TMEM135: variants seen among roughly 807,000 people sequenced by gnomAD.
TMEM135 encodes peroxisomal membrane protein 52.
A neutral mutation model predicts 60.3 loss-of-function variants in TMEM135; 30 were observed. The observed-to-expected ratio is 0.50, with a 90% CI of 0.37 to 0.68. The LOEUF is 0.68. TMEM135 is among the 30% of genes least tolerant of loss of function. The pLI is 0.00. For missense variants in TMEM135, 468 were observed against 548.8 expected (o/e 0.85, Z 1.47); for synonymous variants, 190 against 186.7 (o/e 1.02, Z -0.14).
At chr11:87,038,296 C>A in intron 1 of TMEM135, 110 bp downstream of exon 1, 1 of 1,123,106 alleles carries the variant, frequency 8.9e-7, no homozygotes, top group Non-Finnish European at 1.2e-6. Context: ...GTCGGGCTCT[C>A]TTTTGGAGGG....
intron 10 of TMEM135, 54 bp from the exon 11 acceptor site, chr11:87,313,363 GTTTTATGC>G (rs1349956048): frequency 1.1e-5 from 16 of 1,391,570 alleles, no homozygotes; most frequent in African/African-American, 1.1e-4. Context: ...AGTTGTTTTT[GTTTTATGC>G]TTTTATTTCT....
rs969098726 is a variant in TMEM135, at chr11:87,322,494, T to C, written c.*1161T>C. ...GTTCAGGACAGCTGTGATTGAAATA[T>C]GGTCGCTATTTACAGTTTTTCAGGG... is the stretch of plus-strand genomic sequence containing the variant. On this transcript the variant is annotated 3_prime_UTR_variant, in exon 15 of 15. Coordinates refer to ENST00000305494, the MANE Select transcript of TMEM135 (RefSeq NM_022918.4). 2.2e-6 allele frequency: 1 copy of C among 454,024 alleles called. No individual in the cohort carries two copies. The highest frequency in any genetic ancestry group is 4.4e-6 in the Non-Finnish European group (1 of 226,738). 28.1% of individuals were successfully genotyped at this position (454,024 alleles called of 1,614,324 possible).
chr11:87,102,259 C>T (rs547213815), intron 4 of TMEM135, among the ~76,000 whole-genome samples: 17 of 152,278 alleles, frequency 1.1e-4, no homozygotes, highest in Middle Eastern at 3.4e-3. Flanking sequence ...TTGGAGTTCC[C>T]ACTACCCCCT....
chr11:87,153,039 G>T (rs1938598233), intron 4 of TMEM135, among the ~76,000 whole-genome samples: 2 of 151,952 alleles, frequency 1.3e-5, no homozygotes, highest in African/African-American at 4.8e-5. Context: ...GATTTTATTT[G>T]ATGTATGTTT....
intron 4 of TMEM135, among the ~76,000 whole-genome samples, chr11:87,110,460 T>TA (rs111655148): frequency 1.5e-4 from 23 of 149,392 alleles, no homozygotes; most frequent in South Asian, 2.1e-4. Context: ...TCTTTGAATT[T>TA]AAAAAAAAAA....
intron 5 of TMEM135, among the ~76,000 whole-genome samples, chr11:87,224,076 G>C (rs1001803713): frequency 1.3e-5 from 2 of 152,142 alleles, no homozygotes; most frequent in African/African-American, 4.8e-5. Context: ...GCTTGAGGTT[G>C]GGCAACAGGG....
At chr11:87,167,902 A>G (rs1939106434) in intron 5 of TMEM135, among the ~76,000 whole-genome samples, 1 of 152,084 alleles carries the variant, frequency 6.6e-6, no homozygotes, top group Non-Finnish European at 1.5e-5. Context: ...TCCTCTTTGT[A>G]CCTCTGGTAG....
At chr11:87,235,684 A>G (rs1940979918) in intron 5 of TMEM135, among the ~76,000 whole-genome samples, 1 of 151,882 alleles carries the variant, frequency 6.6e-6, no homozygotes, top group African/African-American at 2.4e-5. Context: ...CTTAATTTGT[A>G]CTGTTGTTTT....
rs566846564 is a variant in TMEM135 at position 87,211,900 on chromosome 11, C to T, written c.463-24738C>T. ...TGGAGCTTGCAGTGAGCCGAGACCA[C>T]GCCACGGCATTCCAGCCTGGGTGAC... On this transcript the variant is annotated intron_variant, in intron 5 of 14. Transcript: ENST00000305494. Among the ~76,000 whole-genome samples the T allele has an allele frequency of 9.9e-5, 15 of 151,674 alleles. 1 individual carries two copies. The highest frequency in any genetic ancestry group is 5.9e-4 in the Admixed American group (9 of 15,236).
At chr11:87,271,439 C>CGTGACTAGCCACTAGCA (rs1941860324) in intron 6 of TMEM135, among the ~76,000 whole-genome samples, 1 of 152,148 alleles carries the variant, frequency 6.6e-6, no homozygotes, top group Non-Finnish European at 1.5e-5. Context: ...ACAGCATTGT[C>CGTGACTAGCCACTAGCA]CAATATGGTA....
intron 3 of TMEM135, among the ~76,000 whole-genome samples, chr11:87,072,032 A>G (rs544883076): frequency 3.3e-5 from 5 of 152,220 alleles, no homozygotes; most frequent in African/African-American, 9.6e-5. Flanking sequence ...ACGAAAAAAA[A>G]TACAAAGAAT....
At chr11:87,050,508 A>C (rs1281363406) in intron 1 of TMEM135, among the ~76,000 whole-genome samples, 1 of 60,942 alleles carries the variant, frequency 1.6e-5, no homozygotes, top group Non-Finnish European at 2.7e-5. Flanking sequence ...ACAGAAATAC[A>C]AACTACCATC....
Position 87,324,393 on chromosome 11 carries a change from C to T in TMEM135, c.*3060C>T, listed in dbSNP as rs867258857. On this transcript the variant is annotated 3_prime_UTR_variant, in exon 15 of 15. Coordinates refer to ENST00000305494, the MANE Select transcript of TMEM135 (RefSeq NM_022918.4). ...GTTTTTGGAGCAGAGAAATTATTAG[C>T]CCAGAGATTCCTTAAATTCTCCGTG... 8.8e-6 allele frequency: 4 copies of T among 453,850 alleles called. No homozygotes were observed. In the Middle Eastern group the frequency reaches 2.1e-3, roughly 236 times the overall value. 28.1% of individuals were successfully genotyped at this position (453,850 alleles called of 1,614,324 possible).
chr11:87,181,915 T>G (rs563417677), intron 5 of TMEM135, among the ~76,000 whole-genome samples: 1 of 151,478 alleles, frequency 6.6e-6, no homozygotes, highest in Non-Finnish European at 1.5e-5. Flanking sequence ...TGTTTCTGTA[T>G]GATGATAAAC....
chr11:87,120,694 C>T (rs1021535869), intron 4 of TMEM135, among the ~76,000 whole-genome samples: 1 of 151,902 alleles, frequency 6.6e-6, no homozygotes. Context: ...TCTCGATCTC[C>T]TGACCTCATG....
chr11:87,271,051 C>T (rs1054218887), intron 6 of TMEM135, among the ~76,000 whole-genome samples: 13 of 151,932 alleles, frequency 8.6e-5, no homozygotes, highest in African/African-American at 2.9e-4. Context: ...CTTCATGTGA[C>T]TCACAGTGAT....
At chr11:87,057,811 G>A (rs1294742290) in intron 1 of TMEM135, among the ~76,000 whole-genome samples, 1 of 151,504 alleles carries the variant, frequency 6.6e-6, no homozygotes, top group Non-Finnish European at 1.5e-5. Flanking sequence ...GTGTGTGTGT[G>A]TGTGTTTGTG....
At chr11:87,171,917 A>G (rs1303960424) in intron 5 of TMEM135, among the ~76,000 whole-genome samples, 1 of 152,144 alleles carries the variant, frequency 6.6e-6, no homozygotes, top group African/African-American at 2.4e-5. Flanking sequence ...ATCTGCTGCC[A>G]CAGCTGATCT....
intron 1 of TMEM135, among the ~76,000 whole-genome samples, chr11:87,057,944 G>A (rs1949909328): frequency 6.6e-6 from 1 of 152,132 alleles, no homozygotes; most frequent in Non-Finnish European, 1.5e-5. Context: ...CCAAAGGCCT[G>A]AGTACTAGAA....
Sources: allele counts gnomAD v4.1 joint callset (sites outside exome capture counted in the v4.1 genomes callset), GRCh38; gene constraint gnomAD v4.1.1; transcripts MANE v1.5; gene names NCBI Gene and HGNC (gene_info 2026-07-23, HGNC 2026-07-21).